The following PCDH15 variants were observed in gnomAD, a reference collection of about 807,000 sequenced individuals.
The protein encoded by PCDH15 is protocadherin-15.
A neutral mutation model predicts 178.5 loss-of-function variants in PCDH15; 129 were observed. That is an observed-to-expected ratio of 0.72 (90% CI 0.63 to 0.84). The LOEUF (loss-of-function observed/expected upper bound fraction) is 0.84. PCDH15 is among the 40% of genes least tolerant of loss of function. The pLI is 0.00. For missense variants in PCDH15, 2,230 were observed against 2,099.9 expected (o/e 1.06, Z -1.21); for synonymous variants, 800 against 732.0 (o/e 1.09, Z -1.50).
intron 2 of PCDH15, among the ~76,000 whole-genome samples, chr10:55,494,809 T>C (rs910606166): frequency 1.3e-5 from 2 of 151,834 alleles, no homozygotes; most frequent in Non-Finnish European, 2.9e-5. Context: ...TATAATCTTA[T>C]GTGCATACAT....
chr10:55,478,884 G>C (rs1840114773), intron 2 of PCDH15, among the ~76,000 whole-genome samples: 1 of 149,460 alleles, frequency 6.7e-6, no homozygotes, highest in South Asian at 2.1e-4. Flanking sequence ...AAACCTAGGG[G>C]ATATGGACAA....
intron 8 of PCDH15, among the ~76,000 whole-genome samples, chr10:54,312,981 T>G (rs1039724810): frequency 2.6e-5 from 4 of 152,110 alleles, no homozygotes; most frequent in African/African-American, 4.8e-5. Flanking sequence ...AAATCTTAAA[T>G]TCTCATTTTT....
intron 5 of PCDH15, among the ~76,000 whole-genome samples, chr10:54,356,765 T>G (rs991167107): frequency 6.6e-6 from 1 of 151,832 alleles, no homozygotes; most frequent in African/African-American, 2.4e-5. Flanking sequence ...TTATTCTGTA[T>G]GGGGACCTGG....
chr10:54,304,218 G>A (rs888042957), intron 8 of PCDH15, among the ~76,000 whole-genome samples: 12 of 151,926 alleles, frequency 7.9e-5, no homozygotes, highest in African/African-American at 2.7e-4. Flanking sequence ...AATTAACACT[G>A]GCATAAGCCA....
At chr10:55,366,542 AT>A (rs1222446302) in intron 2 of PCDH15, among the ~76,000 whole-genome samples, 3 of 152,066 alleles carry the variant, frequency 2.0e-5, no homozygotes, top group Non-Finnish European at 4.4e-5. Flanking sequence ...TACCTGAGAG[AT>A]TTTTCATAGC....
intron 1 of PCDH15, among the ~76,000 whole-genome samples, chr10:55,217,212 A>G (rs2132178410): frequency 6.6e-6 from 1 of 152,046 alleles, no homozygotes; most frequent in African/African-American, 2.4e-5. Context: ...CTCGAAAGAA[A>G]TTTGTGAGAC....
At chr10:54,194,606 A>G (rs2049375045) in intron 11 of PCDH15, among the ~76,000 whole-genome samples, 1 of 82,678 alleles carries the variant, frequency 1.2e-5, no homozygotes, top group Non-Finnish European at 2.3e-5. Context: ...GCTGTTTTAT[A>G]TATATGTGTG....
intron 2 of PCDH15, among the ~76,000 whole-genome samples, chr10:55,020,696 A>T (rs1840306491): frequency 6.6e-6 from 1 of 152,162 alleles, no homozygotes; most frequent in Non-Finnish European, 1.5e-5. Flanking sequence ...CCTAAATAAG[A>T]TGGCTACAAG....
chr10:54,680,355 A>T (rs375090225), intron 1 of PCDH15, among the ~76,000 whole-genome samples: 2 of 152,262 alleles, frequency 1.3e-5, no homozygotes, highest in East Asian at 3.9e-4. Context: ...TTTAAGATGC[A>T]TTTCTCCTAA....
At chr10:54,609,101 G>C (rs1332123304) in intron 2 of PCDH15, among the ~76,000 whole-genome samples, 1 of 152,030 alleles carries the variant, frequency 6.6e-6, no homozygotes, top group Non-Finnish European at 1.5e-5. Flanking sequence ...ATTAAAATTT[G>C]ACTATTGAAT....
intron 2 of PCDH15, among the ~76,000 whole-genome samples, chr10:55,018,825 C>T (rs1049310284): frequency 1.3e-5 from 2 of 151,958 alleles, no homozygotes; most frequent in African/African-American, 4.8e-5. Flanking sequence ...TGTGGAATTC[C>T]CAAATTATGT....
At chr10:54,191,939 A>T (rs965440742) in intron 11 of PCDH15, among the ~76,000 whole-genome samples, 3 of 148,578 alleles carry the variant, frequency 2.0e-5, no homozygotes, top group Non-Finnish European at 4.5e-5. Context: ...AAAGCAAGGG[A>T]AAGAAAAAAA....
intron 2 of PCDH15, among the ~76,000 whole-genome samples, chr10:55,147,806 T>C (rs1313363809): frequency 2.3e-5 from 3 of 128,492 alleles, no homozygotes; most frequent in African/African-American, 8.1e-5. Context: ...TTTCTTCTTA[T>C]GTTCCTCCTC....
At chr10:54,079,886 A>T (rs2135952153) in intron 16 of PCDH15, among the ~76,000 whole-genome samples, 1 of 152,276 alleles carries the variant, frequency 6.6e-6, no homozygotes, top group East Asian at 1.9e-4. Context: ...TATCTCTGAC[A>T]AACTCTATGG....
intron 16 of PCDH15, 36 bp downstream of exon 16, chr10:54,089,948 A>G: frequency 5.4e-6 from 8 of 1,491,622 alleles, no homozygotes; most frequent in Non-Finnish European, 7.5e-6. Context: ...ACGTTGCTGT[A>G]CATTTTTTTA....
At chr10:55,012,749 C>T (rs958982880) in intron 2 of PCDH15, among the ~76,000 whole-genome samples, 9 of 152,016 alleles carry the variant, frequency 5.9e-5, no homozygotes, top group African/African-American at 1.7e-4. Context: ...ATTTACTTAA[C>T]GACCATTACA....
At chr10:54,492,216 C>T (rs960009498) in intron 3 of PCDH15, among the ~76,000 whole-genome samples, 2 of 152,104 alleles carry the variant, frequency 1.3e-5, no homozygotes, top group Non-Finnish European at 2.9e-5. Flanking sequence ...TCAACCTGAA[C>T]AGACATTCAT....
intron 8 of PCDH15, among the ~76,000 whole-genome samples, chr10:54,274,945 A>T (rs183524612): frequency 4.1e-4 from 62 of 152,140 alleles, no homozygotes; most frequent in Non-Finnish European, 7.1e-4. Context: ...AAGGAACAAG[A>T]CAAATAATTG....
chr10:55,237,911 C>T lies in PCDH15; in HGVS notation c.-155-71260G>A, dbSNP rs184459080. On this transcript the variant is annotated intron_variant, in intron 1 of 5. Transcript: ENST00000458638. ...TACAATATTAAATTATAAATATGAT[C>T]TTTTTTCTTGATGAAAATTAAAATG... Among the ~76,000 whole-genome samples the T allele has an allele frequency of 5.6e-3, 845 of 151,594 alleles. 4 individuals carry two copies. The highest frequency in any genetic ancestry group is 9.0e-3 in the Admixed American group (137 of 15,200).
Sources: gnomAD v4.1 joint callset for allele counts (sites outside exome capture counted in the v4.1 genomes callset) on GRCh38, gnomAD v4.1.1 for gene constraint, MANE v1.5 for transcripts, NCBI Gene and HGNC (gene_info 2026-07-23, HGNC 2026-07-21) for gene names.